Variants in SNX19 observed in about 807,000 individuals in gnomAD.
The protein encoded by SNX19 is sorting nexin-19.
In SNX19, 60 loss-of-function variants were observed where a neutral mutation model predicts 85.2. That is an observed-to-expected ratio of 0.70 (90% CI 0.57 to 0.87). SNX19 has a LOEUF of 0.87. Among genes scored for constraint, SNX19 ranks in the 40% least tolerant of loss-of-function variants. The probability of loss-of-function intolerance (pLI) is 0.00; values close to 1 mark genes in which losing one functional copy is unlikely to be tolerated. For synonymous variants in SNX19, 520 were observed against 470.0 expected (o/e 1.11, Z -1.38); for missense variants, 1,201 against 1,217.8 (o/e 0.99, Z 0.21).
intron 9 of SNX19, 36 bp from the exon 10 acceptor site, chr11:130,879,747 T>G: frequency 6.3e-7 from 1 of 1,589,272 alleles, no homozygotes; most frequent in Non-Finnish European, 8.6e-7. Context: ...TTGCGTGTTA[T>G]CACTGAAGTT....
intron 8 of SNX19, 74 bp from the exon 9 acceptor site, chr11:130,880,880 T>C: frequency 2.4e-6 from 3 of 1,259,552 alleles, no homozygotes; most frequent in Non-Finnish European, 3.3e-6. Context: ...ACTGACTGTT[T>C]ATGTTCCCCT....
Position 130,914,743 on chromosome 11 carries a change from C to G in SNX19, c.1197G>C (p.Gln399His). Residue 399 changes from glutamine (Q) to histidine (H), a missense_variant, in exon 1 of 11, where the codon CAG becomes CAC. This residue lies in a region of SNX19 where 791 missense variants were observed against 750.9 expected (regional missense o/e 1.05). Coordinates refer to ENST00000265909, the MANE Select transcript of SNX19 (RefSeq NM_014758.3). ...TPGSFLSDRI[Q>H]DALCALESSQ... is the part of the protein sequence containing the mutation. Reference sequence around the variant, plus strand: ...AACTCTCTAGGGCACACAGGGCATCCTGAATCCTGTCAGAGAGAAAGCTGC... The same window carrying G: ...AACTCTCTAGGGCACACAGGGCATCGTGAATCCTGTCAGAGAGAAAGCTGC... The G allele has an allele frequency of 6.2e-7, 1 of 1,614,172 alleles. No homozygotes were observed. The highest frequency in any genetic ancestry group is 8.5e-7 in the Non-Finnish European group (1 of 1,180,030).
At position 130,871,054 on chromosome 11, in the gene SNX19, C is replaced by T. The variant is rs1385109053; in HGVS notation, c.*7368G>A. Among the ~76,000 whole-genome samples the T allele has an allele frequency of 3.3e-5, 5 of 151,964 alleles. No homozygotes were observed. The highest frequency in any genetic ancestry group is 2.9e-5 in the Non-Finnish European group (2 of 67,982). Reference sequence around the variant, plus strand: ...CTTATGGGCAGAGGTAGCCTACTTGCCCAGCTGGAGAAGAGAAGGTAATCT... The same window carrying T: ...CTTATGGGCAGAGGTAGCCTACTTGTCCAGCTGGAGAAGAGAAGGTAATCT... On this transcript the variant is annotated 3_prime_UTR_variant, in exon 11 of 11. Coordinates refer to ENST00000265909, the MANE Select transcript of SNX19 (RefSeq NM_014758.3).
chr11:130,882,243 T>G (rs1024912567), intron 8 of SNX19, among the ~76,000 whole-genome samples: 1 of 152,228 alleles, frequency 6.6e-6, no homozygotes, highest in African/African-American at 2.4e-5. Context: ...GTGTGGGTCA[T>G]GGATGGACAA....
chr11:130,905,780 A>C (rs1291802015), intron 7 of SNX19, 173 bp downstream of exon 7: 3 of 1,538,318 alleles, frequency 2.0e-6, no homozygotes, highest in Non-Finnish European at 2.6e-6. Context: ...TGTGGCAACT[A>C]TGTACTACTC....
chr11:130,911,072 G>C (rs905444024), intron 2 of SNX19, among the ~76,000 whole-genome samples: 17 of 151,916 alleles, frequency 1.1e-4, no homozygotes, highest in African/African-American at 4.1e-4. Context: ...GCGGGCGCCT[G>C]TAATCCTAGC....
rs1943038735 is a variant in SNX19 at position 130,871,801 on chromosome 11, C to A, written c.*6621G>T. Among the ~76,000 whole-genome samples, 1 of 152,116 alleles carries A rather than the reference C, an allele frequency of 6.6e-6. No homozygotes were observed. Among genetic ancestry groups the A allele is most frequent in the Admixed American group, 6.5e-5 (1 of 15,274 alleles). ...AACAGGGTGCAGCAGTAACATGGAACATAAGGTGGGAAAAAAGACAAAAGT... is the reference window on the plus strand; with the variant it reads ...AACAGGGTGCAGCAGTAACATGGAAAATAAGGTGGGAAAAAAGACAAAAGT... On this transcript the variant is annotated 3_prime_UTR_variant, in exon 11 of 11. Transcript: ENST00000265909.
rs1426096065 is a variant in SNX19 at position 130,874,087 on chromosome 11, A to G, written c.*4335T>C. 1.3e-5 allele frequency among the ~76,000 whole-genome samples: 2 copies of G among 151,460 alleles called. No homozygotes were observed. The highest frequency in any genetic ancestry group is 4.9e-5 in the African/African-American group (2 of 41,108). ...CTTAAGGCTAGAATGCAGTGGTGTG[A>G]TCGTAGCTCACTGCAGCCTCAAATT... On this transcript the variant is annotated 3_prime_UTR_variant, in exon 11 of 11. Transcript: ENST00000265909.
chr11:130,908,639 A>G (rs1275940710), intron 4 of SNX19, among the ~76,000 whole-genome samples: 5 of 152,252 alleles, frequency 3.3e-5, no homozygotes, highest in African/African-American at 1.2e-4. Flanking sequence ...AGGTACAGAA[A>G]GAATAACAAA....
chr11:130,910,897 A>G (rs574102311), intron 2 of SNX19, among the ~76,000 whole-genome samples: 1 of 152,358 alleles, frequency 6.6e-6, no homozygotes, highest in Non-Finnish European at 1.5e-5. Flanking sequence ...AAATTTTATT[A>G]CATTAAAAAA....
intron 4 of SNX19, 133 bp downstream of exon 4, chr11:130,909,885 G>T: frequency 8.5e-7 from 1 of 1,174,394 alleles, no homozygotes; most frequent in Non-Finnish European, 1.2e-6. Flanking sequence ...TTAAGTCCAT[G>T]TTCTATTGAC....
rs751689207 is a variant in SNX19, at chr11:130,914,813, G to A, written c.1127C>T (p.Pro376Leu). The A allele has an allele frequency of 1.5e-5, 24 of 1,614,088 alleles. No individual in the cohort carries two copies. The highest frequency in any genetic ancestry group is 1.5e-4 in the African/African-American group (11 of 74,926). The change falls in exon 1 of 11, where the codon CCG becomes CTG. Residue 376 changes from proline (P) to leucine (L), a missense_variant. Physicochemically the swap from Pro to Leu is moderately conservative, Grantham distance 98. Coordinates refer to ENST00000265909, the MANE Select transcript of SNX19 (RefSeq NM_014758.3). ...GGTTTCTTTGCCCAGTTCAGACAGC[G>A]GAGACTCCAGCTCTGAGTCTTCACA... ...FLCEDSELES[P>L]LSELGKETIM...
intron 8 of SNX19, among the ~76,000 whole-genome samples, chr11:130,900,823 C>CA (rs1945211243): frequency 6.6e-6 from 1 of 151,326 alleles, no homozygotes; most frequent in African/African-American, 2.4e-5. Context: ...AAGGGAAGTC[C>CA]AAAAAAAGAA....
At chr11:130,893,938 C>A (rs1357915898) in intron 8 of SNX19, 1 of 628,340 alleles carries the variant, frequency 1.6e-6, no homozygotes, top group Non-Finnish European at 2.9e-6. Flanking sequence ...CTTGGAGAAG[C>A]CTGCAAGGAC....
chr11:130,911,576 T>G (rs545687632), intron 2 of SNX19, 57 bp downstream of exon 2: 1 of 1,607,974 alleles, frequency 6.2e-7, no homozygotes, highest in East Asian at 2.2e-5. Context: ...AACAGGCCAA[T>G]CAGCGTGGCT....
rs1176517459 is a variant in SNX19 at position 130,914,830 on chromosome 11, G to C, written c.1110C>G (p.Asp370Glu). Residue 370 changes from aspartate to glutamate, a missense_variant, in exon 1 of 11, where the codon GAC (aspartate) becomes GAG (glutamate). Asp to Glu is a conservative substitution (Grantham distance 45). Coordinates refer to ENST00000265909, the MANE Select transcript of SNX19 (RefSeq NM_014758.3). ...NVRGPLFLCE[D>E]SELESPLSEL... ...CAGACAGCGGAGACTCCAGCTCTGA[G>C]TCTTCACATAAGAACAGGGGACCTC... 2 of 1,614,244 alleles carry C rather than the reference G, an allele frequency of 1.2e-6. No individual in the cohort carries two copies. Among genetic ancestry groups the C allele is most frequent in the East Asian group, 2.2e-5 (1 of 44,872 alleles).
chr11:130,912,570 T>A (rs1262269996), intron 1 of SNX19, among the ~76,000 whole-genome samples: 1 of 152,198 alleles, frequency 6.6e-6, no homozygotes, highest in Admixed American at 6.5e-5. Context: ...TCATTAGGAA[T>A]GGGCTATTAT....
In SNX19 at chr11:130,906,489, A is replaced by G. The variant is rs1945679607; in HGVS notation, c.2262+136T>C. The G allele has an allele frequency of 4.3e-6, 3 of 701,364 alleles. No homozygotes were observed. The South Asian group carries it at 5.4e-5, about 13-fold the overall frequency. The allele number at this position is 701,364 out of a possible 1,614,324, so 43.4% of individuals were successfully genotyped here. A position where few individuals can be genotyped will look rare whatever the true frequency, so the allele number is the denominator to read the frequency against. On this transcript the variant is annotated intron_variant, in intron 6 of 10. Coordinates refer to ENST00000265909, the MANE Select transcript of SNX19 (RefSeq NM_014758.3). ...ACTTAGAGAAAATACTTTTAGCATA[A>G]AAGCTGGAGATCCAAACGTTGATTA...
At chr11:130,895,670 A>G (rs1288027298) in intron 8 of SNX19, among the ~76,000 whole-genome samples, 1 of 152,208 alleles carries the variant, frequency 6.6e-6, no homozygotes, top group Non-Finnish European at 1.5e-5. Context: ...TTTTACAATG[A>G]GCAATTTTGT....
Sources: gnomAD v4.1 joint callset for allele counts (sites outside exome capture counted in the v4.1 genomes callset) on GRCh38, gnomAD v4.1.1 for gene constraint, gnomAD v4.1.1 regional missense constraint, MANE v1.5 for transcripts, NCBI Gene and HGNC (gene_info 2026-07-23, HGNC 2026-07-21) for gene names.